Variants in NPAS3 observed in about 807,000 individuals in gnomAD.
NPAS3 encodes neuronal PAS domain-containing protein 3.
In NPAS3, 14 loss-of-function variants were observed where a neutral mutation model predicts 73.1. The observed-to-expected ratio is 0.19, with a 90% confidence interval of 0.13 to 0.30. The LOEUF (loss-of-function observed/expected upper bound fraction) is 0.30, where lower values mean the gene tolerates loss of function less well. Among genes scored for constraint, NPAS3 ranks in the 10% least tolerant of loss-of-function variants. The probability of loss-of-function intolerance (pLI) is 1.00; values close to 1 mark genes in which losing one functional copy is unlikely to be tolerated. For synonymous variants in NPAS3, 620 were observed against 541.5 expected, an observed-to-expected ratio of 1.14 and a Z score of -2.01; for missense variants, 1,096 against 1,250.0, an observed-to-expected ratio of 0.88 and a Z score of 1.86.
chr14:33,325,510 G>A (rs1447333220), intron 3 of NPAS3, among the ~76,000 whole-genome samples: 1 of 152,018 alleles, frequency 6.6e-6, no homozygotes, highest in Non-Finnish European at 1.5e-5. Context: ...GCTGGTTGTG[G>A]TGGTGGGTGC....
chr14:33,045,312 T>C (rs1314880951), intron 1 of NPAS3, among the ~76,000 whole-genome samples: 1 of 152,208 alleles, frequency 6.6e-6, no homozygotes, highest in Non-Finnish European at 1.5e-5. Flanking sequence ...ATTTCTGAGA[T>C]TTGCTGGAGA....
chr14:33,048,565 T>C (rs947484956), intron 1 of NPAS3, among the ~76,000 whole-genome samples: 5 of 152,248 alleles, frequency 3.3e-5, no homozygotes, highest in Non-Finnish European at 5.9e-5. Context: ...TGCTGTTCTC[T>C]ACACACCCTT....
At chr14:33,332,947 C>A (rs565444524) in intron 3 of NPAS3, among the ~76,000 whole-genome samples, 1 of 152,294 alleles carries the variant, frequency 6.6e-6, no homozygotes, top group East Asian at 1.9e-4. Flanking sequence ...GTAAAGACAA[C>A]AAAGGAAAGA....
intron 4 of NPAS3, among the ~76,000 whole-genome samples, chr14:33,437,741 G>A (rs1482452589): frequency 3.3e-5 from 5 of 152,136 alleles, no homozygotes; most frequent in Admixed American, 1.3e-4. Context: ...CTGTCAAATC[G>A]ACATTATGGA....
At chr14:33,154,693 C>T (rs372685583) in intron 2 of NPAS3, among the ~76,000 whole-genome samples, 2 of 152,340 alleles carry the variant, frequency 1.3e-5, no homozygotes, top group African/African-American at 4.8e-5. Context: ...TTCTGTTCCC[C>T]TTAGAAAAGG....
At chr14:33,409,899 C>T (rs1361345095) in intron 4 of NPAS3, among the ~76,000 whole-genome samples, 1 of 152,084 alleles carries the variant, frequency 6.6e-6, no homozygotes, top group East Asian at 1.9e-4. Context: ...TGGTTGGAGA[C>T]ATTGCTAAAA....
chr14:33,421,985 T>C (rs143521466), intron 4 of NPAS3, among the ~76,000 whole-genome samples: 78 of 152,104 alleles, frequency 5.1e-4, no homozygotes, highest in African/African-American at 1.8e-3. Flanking sequence ...ATGGGTTTTG[T>C]AGTTGGCTTT....
chr14:33,087,198 A>AATTTATAGTATACAATATAATATTGT (rs2042062381), intron 2 of NPAS3, among the ~76,000 whole-genome samples: 1 of 113,822 alleles, frequency 8.8e-6, no homozygotes, highest in Non-Finnish European at 1.8e-5. Context: ...AATATTGTAT[A>AATTTATAGTATACAATATAATATTGT]ATAATATAGT....
At chr14:33,606,431 C>T (rs1595262094) in intron 5 of NPAS3, among the ~76,000 whole-genome samples, 1 of 151,612 alleles carries the variant, frequency 6.6e-6, no homozygotes, top group Non-Finnish European at 1.5e-5. Context: ...GCATAGTATT[C>T]CATGGTGTAT....
rs147752954 is a variant in NPAS3, at chr14:33,397,222, A to G, written c.468+29954A>G. 1.0e-3 allele frequency among the ~76,000 whole-genome samples: 152 copies of G among 152,328 alleles called. 1 individual carries two copies. Among genetic ancestry groups the G allele is most frequent in the African/African-American group, 3.4e-3 (142 of 41,586 alleles). On this transcript the variant is annotated intron_variant, in intron 4 of 11. Transcript: ENST00000356141. ...TTCTCTGTCTCTTAACTCCTGGAAGAGAGGCTTATAATTGCAGCTCTGCAG... is the reference window on the plus strand; with the variant it reads ...TTCTCTGTCTCTTAACTCCTGGAAGGGAGGCTTATAATTGCAGCTCTGCAG...
intron 5 of NPAS3, among the ~76,000 whole-genome samples, chr14:33,592,103 T>G (rs571211876): frequency 6.6e-6 from 1 of 152,280 alleles, no homozygotes; most frequent in African/African-American, 2.4e-5. Flanking sequence ...TTAACACACC[T>G]TATTCACACC....
intron 3 of NPAS3, among the ~76,000 whole-genome samples, chr14:33,268,052 C>T (rs1594555300): frequency 6.6e-6 from 1 of 152,002 alleles, no homozygotes; most frequent in East Asian, 1.9e-4. Context: ...TTTTCAGCTG[C>T]TAAGTTTCAG....
chr14:32,993,549 G>C (rs1389519610), intron 1 of NPAS3, among the ~76,000 whole-genome samples: 3 of 152,156 alleles, frequency 2.0e-5, no homozygotes, highest in Non-Finnish European at 2.9e-5. Flanking sequence ...ACCTAGAAAT[G>C]ACCACTGAAT....
At chr14:33,379,458 A>C (rs571644172) in intron 4 of NPAS3, among the ~76,000 whole-genome samples, 14 of 152,278 alleles carry the variant, frequency 9.2e-5, no homozygotes, top group African/African-American at 3.1e-4. Flanking sequence ...AATATCTGCA[A>C]ATCTTTGCCA....
At chr14:33,718,641 CA>C in intron 6 of NPAS3, among the ~76,000 whole-genome samples, 1 of 76,476 alleles carries the variant, frequency 1.3e-5, no homozygotes, top group East Asian at 2.4e-4. Context: ...GATATGGTAT[CA>C]CAGTGCCAGG....
intron 2 of NPAS3, among the ~76,000 whole-genome samples, chr14:33,142,617 A>G (rs1006612558): frequency 1.3e-5 from 2 of 152,146 alleles, no homozygotes; most frequent in South Asian, 2.1e-4. Flanking sequence ...ATCTTGACAT[A>G]TTGGTTTCTC....
At chr14:33,300,811 G>C (rs994040147) in intron 3 of NPAS3, among the ~76,000 whole-genome samples, 1 of 152,110 alleles carries the variant, frequency 6.6e-6, no homozygotes. Flanking sequence ...GTTAGGGACC[G>C]TATCAGCTGT....
rs115215552 is a variant in NPAS3 at position 33,319,263 on chromosome 14, C to T, written c.386-47923C>T. Among the ~76,000 whole-genome samples the T allele has an allele frequency of 2.4e-3, 358 of 152,260 alleles. 1 individual carries two copies. Among genetic ancestry groups the T allele is most frequent in the African/African-American group, 7.8e-3 (325 of 41,556 alleles). ...CTAGGCAGGAGCTAACACAGTGTCA[C>T]TTCTGCCCCTTTCTGTTGGTCAGAG... On this transcript the variant is annotated intron_variant, in intron 3 of 11. Coordinates refer to ENST00000356141, the Ensembl canonical transcript of NPAS3.
At chr14:33,156,125 G>A (rs1173886573) in intron 2 of NPAS3, among the ~76,000 whole-genome samples, 1 of 152,074 alleles carries the variant, frequency 6.6e-6, no homozygotes, top group South Asian at 2.1e-4. Flanking sequence ...GTATAAGGGT[G>A]TAGAATCAAA....
Sources: allele counts gnomAD v4.1 joint callset (sites outside exome capture counted in the v4.1 genomes callset), GRCh38; gene constraint gnomAD v4.1.1; transcripts MANE v1.5; gene names NCBI Gene and HGNC (gene_info 2026-07-23, HGNC 2026-07-21).